Variants in ADCYAP1 observed in about 807,000 individuals in gnomAD.
ADCYAP1 encodes the protein pituitary adenylate cyclase-activating polypeptide.
In ADCYAP1, 6 loss-of-function variants were observed where a neutral mutation model predicts 18.5. The observed-to-expected ratio is 0.32, with a 90% CI of 0.18 to 0.64. The LOEUF is 0.64. Ranked by LOEUF, ADCYAP1 falls within the 30% of genes least tolerant of loss-of-function variation. The pLI, the probability that ADCYAP1 is intolerant of heterozygous loss-of-function variation, is 0.77. For synonymous variants in ADCYAP1, 136 were observed against 113.9 expected (o/e 1.19, Z -1.24); for missense variants, 314 against 253.6 (o/e 1.24, Z -1.62).
chr18:908,455 C>A (rs974933035), intron 4 of ADCYAP1, 92 bp downstream of exon 4: 3 of 1,085,052 alleles, frequency 2.8e-6, no homozygotes, highest in Non-Finnish European at 4.0e-6. Context: ...CCCGTGGGGG[C>A]CAGGGTGAGT....
chr18:906,007 T>C (rs1909156905), intron 2 of ADCYAP1: 1 of 155,450 alleles, frequency 6.4e-6, no homozygotes. Context: ...AAGAGCTTTC[T>C]TTCAAGTGAT....
At chr18:907,499 C>T (rs1909213107) in intron 2 of ADCYAP1, 160 bp from the exon 3 acceptor site, 1 of 760,050 alleles carries the variant, frequency 1.3e-6, no homozygotes, top group South Asian at 2.2e-5. Flanking sequence ...TTGCCTCCTC[C>T]TTACCTCTGC....
In ADCYAP1 at chr18:905,667, G is replaced by A. The variant is rs879185760; in HGVS notation, c.110+171G>A. ...GACAGCGGGTCCCCATTCTAGCCGA[G>A]GGTCTGGCAGGCTCCGCGACTGCTC... is the stretch of plus-strand genomic sequence containing the variant. On this transcript the variant is annotated intron_variant, in intron 2 of 4. Transcript: ENST00000450565. 228 of 790,920 alleles carry A rather than the reference G, an allele frequency of 2.9e-4. 1 individual carries two copies. Among genetic ancestry groups the A allele is most frequent in the Admixed American group, 2.0e-3 (70 of 35,220 alleles). The allele number at this position is 790,920 out of a possible 1,614,324, so 49.0% of individuals were successfully genotyped here.
intron 2 of ADCYAP1, chr18:907,458 C>G (rs1195349733): frequency 1.9e-6 from 1 of 513,108 alleles, no homozygotes; most frequent in Non-Finnish European, 3.3e-6. Flanking sequence ...GTGGGCGGGC[C>G]GCCCGGCGGG....
chr18:911,905 T>C lies in ADCYAP1; in HGVS notation c.*2270T>C, dbSNP rs1235542395. 4 of 152,236 alleles carry C rather than the reference T, an allele frequency of 2.6e-5. No homozygotes were observed. Among genetic ancestry groups the C allele is most frequent in the South Asian group, 4.1e-4 (2 of 4,828 alleles). 9.4% of individuals were successfully genotyped at this position (152,236 alleles called of 1,614,324 possible). A position where few individuals can be genotyped will look rare whatever the true frequency, so the allele number is the denominator to read the frequency against. On this transcript the variant is annotated 3_prime_UTR_variant, in exon 5 of 5. Coordinates refer to ENST00000450565, the MANE Select transcript of ADCYAP1 (RefSeq NM_001099733.2). ...AAGTCTAATTTAGTGTTCCCGTGGCTAGTTGCAAGCATTTTACAGTGATCA... is the reference window on the plus strand; with the variant it reads ...AAGTCTAATTTAGTGTTCCCGTGGCCAGTTGCAAGCATTTTACAGTGATCA...
At chr18:905,583 G>T in intron 2 of ADCYAP1, 87 bp downstream of exon 2, 1 of 1,473,160 alleles carries the variant, frequency 6.8e-7, no homozygotes, top group Non-Finnish European at 9.2e-7. Context: ...CAGTCCTTTG[G>T]GTCCAGACTA....
intron 2 of ADCYAP1, chr18:906,511 T>A (rs1909176885): frequency 6.6e-6 from 1 of 152,362 alleles, no homozygotes. Context: ...GATTCCAGCA[T>A]CTGGGCTCGA....
At chr18:906,932 A>G (rs1379283493) in intron 2 of ADCYAP1, among the ~76,000 whole-genome samples, 1 of 152,186 alleles carries the variant, frequency 6.6e-6, no homozygotes, top group Non-Finnish European at 1.5e-5. Flanking sequence ...AGTGGCCTTA[A>G]AACACCCTGG....
intron 4 of ADCYAP1, among the ~76,000 whole-genome samples, chr18:909,020 T>C (rs1355615670): frequency 1.3e-5 from 2 of 152,196 alleles, no homozygotes; most frequent in African/African-American, 4.8e-5. Context: ...GCAGGATCGA[T>C]GCAAACTCCA....
chr18:904,962 C>T lies in ADCYAP1; in HGVS notation c.-100C>T, dbSNP rs769401962. Reference sequence around the variant, plus strand: ...CTGCTCAGACACCAACGCCAGACGGCGATGCCTCTCGGGTGGTGACTCCAG... The same window carrying T: ...CTGCTCAGACACCAACGCCAGACGGTGATGCCTCTCGGGTGGTGACTCCAG... On this transcript the variant is annotated 5_prime_UTR_variant, in exon 1 of 5. Transcript: ENST00000450565. 5 of 1,291,452 alleles carry T rather than the reference C, an allele frequency of 3.9e-6. No homozygotes were observed. The South Asian group carries it at 4.9e-5, about 13-fold the overall frequency. The allele number at this position is 1,291,452 out of a possible 1,614,324, so 80.0% of individuals were successfully genotyped here. A position where few individuals can be genotyped will look rare whatever the true frequency, so the allele number is the denominator to read the frequency against.
Position 909,782 on chromosome 18 carries a change from T to G in ADCYAP1, c.*147T>G. The G allele has an allele frequency of 3.3e-6, 2 of 611,778 alleles. No homozygotes were observed. Among genetic ancestry groups the G allele is most frequent in the Non-Finnish European group, 5.1e-6 (2 of 394,252 alleles). The allele number at this position is 611,778 out of a possible 1,614,324, so 37.9% of individuals were successfully genotyped here. A position where few individuals can be genotyped will look rare whatever the true frequency, so the allele number is the denominator to read the frequency against. ...AGCCATTAAATGAATATTTTGATAATAATATTGTTTTTCTTTCTACAAAGC... is the reference window on the plus strand; with the variant it reads ...AGCCATTAAATGAATATTTTGATAAGAATATTGTTTTTCTTTCTACAAAGC... On this transcript the variant is annotated 3_prime_UTR_variant, in exon 5 of 5. Transcript: ENST00000450565.
rs35018620 is a variant in ADCYAP1, at chr18:909,873, A to AATATATATATATATATAT, written c.*254_*271dup. On this transcript the variant is annotated 3_prime_UTR_variant, in exon 5 of 5. Coordinates refer to ENST00000450565, the MANE Select transcript of ADCYAP1 (RefSeq NM_001099733.2). ...ATATATATTATAAATATATATAAAGAATATATATATATATATATATATATA... is the reference window on the plus strand; with the variant it reads ...ATATATATTATAAATATATATAAAGAATATATATATATATATATATATATATATATATATATATATATA... 7 of 143,418 alleles carry AATATATATATATATATAT rather than the reference A, an allele frequency of 4.9e-5. No individual in the cohort carries two copies. The highest frequency in any genetic ancestry group is 3.6e-3 in the Middle Eastern group (1 of 276). 8.9% of individuals were successfully genotyped at this position (143,418 alleles called of 1,614,324 possible). A position where few individuals can be genotyped will look rare whatever the true frequency, so the allele number is the denominator to read the frequency against.
At chr18:907,907 A>G (rs2143117799) in intron 3 of ADCYAP1, 117 bp downstream of exon 3, 1 of 1,374,438 alleles carries the variant, frequency 7.3e-7, no homozygotes, top group Non-Finnish European at 9.3e-7. Flanking sequence ...AAAGTCCTCA[A>G]GCCTGTCCTC....
chr18:905,071 G>A lies in ADCYAP1; in HGVS notation c.-2+11G>A, dbSNP rs1909109040. On this transcript the variant is annotated intron_variant, in intron 1 of 4. Transcript: ENST00000450565. ...GGGAGGAGTTGAAGGGTAAGGGAGG[G>A]AAAATCTTACCAAAGCGACCGGCTC... The A allele has an allele frequency of 2.3e-6, 3 of 1,293,768 alleles. No individual in the cohort carries two copies. The highest frequency in any genetic ancestry group is 2.8e-5 in the Admixed American group (1 of 35,702). The allele number at this position is 1,293,768 out of a possible 1,614,324, so 80.1% of individuals were successfully genotyped here. A position where few individuals can be genotyped will look rare whatever the true frequency, so the allele number is the denominator to read the frequency against.
At chr18:906,220 G>C (rs946755593) in intron 2 of ADCYAP1, 2 of 152,262 alleles carry the variant, frequency 1.3e-5, no homozygotes, top group Non-Finnish European at 2.9e-5. Flanking sequence ...GCCCTGCCTG[G>C]CCCGGGATGG....
chr18:908,769 A>T (rs1270677242), intron 4 of ADCYAP1, among the ~76,000 whole-genome samples: 1 of 152,130 alleles, frequency 6.6e-6, no homozygotes, highest in Non-Finnish European at 1.5e-5. Flanking sequence ...CCAAATGTGG[A>T]CACTTATGGA....
In ADCYAP1 at chr18:911,928, T is replaced by C. The variant is rs1247547296; in HGVS notation, c.*2293T>C. The C allele has an allele frequency of 2.0e-5, 3 of 152,170 alleles. No individual in the cohort carries two copies. The highest frequency in any genetic ancestry group is 4.4e-5 in the Non-Finnish European group (3 of 68,036). 9.4% of individuals were successfully genotyped at this position (152,170 alleles called of 1,614,324 possible). The stretch of plus-strand genomic sequence containing the variant: ...GCTAGTTGCAAGCATTTTACAGTGA[T>C]CACCCAGTTTAATCTTTTGTATACT... On this transcript the variant is annotated 3_prime_UTR_variant, in exon 5 of 5. Transcript: ENST00000450565.
upstream of ADCYAP1, chr18:904,524 G>A (rs1385743143): frequency 1.0e-5 from 13 of 1,289,060 alleles, no homozygotes; most frequent in African/African-American, 1.5e-5. Context: ...CAGAAGGCCG[G>A]TCACCTCTGT....
chr18:907,828 G>T, intron 3 of ADCYAP1, 38 bp downstream of exon 3: 2 of 1,419,590 alleles, frequency 1.4e-6, no homozygotes, highest in East Asian at 2.8e-5. Flanking sequence ...CCGCGGCTGG[G>T]AGCTCGGGAC....
Sources: allele counts gnomAD v4.1 joint callset (sites outside exome capture counted in the v4.1 genomes callset), GRCh38; gene constraint gnomAD v4.1.1; transcripts MANE v1.5; gene names NCBI Gene and HGNC (gene_info 2026-07-23, HGNC 2026-07-21).